Variants in SORT1 observed in about 807,000 individuals in gnomAD.
The protein encoded by SORT1 is sortilin 1, also known as sortilin.
In SORT1, 39 loss-of-function variants were observed where a neutral mutation model predicts 101.7. The observed-to-expected ratio is 0.38, with a 90% CI of 0.30 to 0.50. The LOEUF is 0.50. SORT1 is among the 20% of genes least tolerant of loss of function. The pLI, the probability that SORT1 is intolerant of heterozygous loss-of-function variation, is 0.90. For missense variants in SORT1, 878 were observed against 1,040.4 expected, an observed-to-expected ratio of 0.84 and a Z score of 2.15; for synonymous variants, 396 against 393.7, an observed-to-expected ratio of 1.01 and a Z score of -0.07.
At chr1:109,330,094 C>T (rs187512185) in intron 11 of SORT1, among the ~76,000 whole-genome samples, 19 of 152,236 alleles carry the variant, frequency 1.2e-4, no homozygotes, top group East Asian at 5.8e-4. Flanking sequence ...CTCCGCCTCC[C>T]GGGTTCAAAC....
chr1:109,357,382 A>G (rs1650396502), intron 3 of SORT1, among the ~76,000 whole-genome samples: 1 of 152,272 alleles, frequency 6.6e-6, no homozygotes, highest in Non-Finnish European at 1.5e-5. Context: ...CAACAAATAA[A>G]GAATTGCAGA....
At chr1:109,366,813 G>A (rs956133697) in intron 3 of SORT1, 1 of 152,362 alleles carries the variant, frequency 6.6e-6, no homozygotes, top group Non-Finnish European at 1.5e-5. Context: ...GCTGAGGTGG[G>A]AAGATGGTGG....
At chr1:109,367,557 C>T (rs1651178050) in intron 2 of SORT1, 76 bp from the exon 3 acceptor site, 1 of 924,668 alleles carries the variant, frequency 1.1e-6, no homozygotes, top group Non-Finnish European at 1.7e-6. Context: ...GAGATTAAGC[C>T]AACACCTAAA....
At chr1:109,316,815 A>C in intron 17 of SORT1, 35 bp downstream of exon 17, 3 of 1,321,788 alleles carry the variant, frequency 2.3e-6, no homozygotes. Flanking sequence ...ACAAAATCCC[A>C]TTTGTACCTG....
intron 3 of SORT1, among the ~76,000 whole-genome samples, chr1:109,356,990 T>A: frequency 6.6e-6 from 1 of 152,240 alleles, no homozygotes; most frequent in East Asian, 1.9e-4. Context: ...TCTTCAATGA[T>A]AGAATATAGT....
At chr1:109,352,960 A>C (rs1650060464) in intron 5 of SORT1, among the ~76,000 whole-genome samples, 1 of 152,106 alleles carries the variant, frequency 6.6e-6, no homozygotes, top group Admixed American at 6.6e-5. Context: ...GCCAATTTCC[A>C]GGAATTGTTG....
intron 1 of SORT1, among the ~76,000 whole-genome samples, chr1:109,391,076 C>T (rs1372592680): frequency 6.6e-6 from 1 of 152,090 alleles, no homozygotes; most frequent in African/African-American, 2.4e-5. Context: ...GAATTTACTG[C>T]TATCTGTTGG....
chr1:109,323,997 C>G (rs532544060), intron 14 of SORT1, among the ~76,000 whole-genome samples: 15 of 152,192 alleles, frequency 9.9e-5, no homozygotes, highest in African/African-American at 2.9e-4. Context: ...TAAATCAACA[C>G]GCTGAGGAAA....
intron 1 of SORT1, among the ~76,000 whole-genome samples, chr1:109,377,170 T>G (rs961446323): frequency 6.6e-6 from 1 of 152,208 alleles, no homozygotes; most frequent in African/African-American, 2.4e-5. Context: ...GTAAACTATA[T>G]GTACATGTAA....
chr1:109,326,054 CTTTT>C (rs541173445), intron 13 of SORT1, among the ~76,000 whole-genome samples: 19 of 134,646 alleles, frequency 1.4e-4, no homozygotes, highest in African/African-American at 4.3e-4. Flanking sequence ...ACTTATACTT[CTTTT>C]TTTTTTTTTT....
At chr1:109,339,294 T>C (rs1235983925) in intron 10 of SORT1, among the ~76,000 whole-genome samples, 1 of 152,210 alleles carries the variant, frequency 6.6e-6, no homozygotes, top group Non-Finnish European at 1.5e-5. Flanking sequence ...ACTGTATGGT[T>C]TTGAGTGCAA....
chr1:109,343,761 G>A (rs1649393959), intron 8 of SORT1, among the ~76,000 whole-genome samples: 1 of 152,130 alleles, frequency 6.6e-6, no homozygotes, highest in African/African-American at 2.4e-5. Context: ...TGATTCTTGT[G>A]CATCAGCCTC....
chr1:109,340,143 T>A (rs1414917141), intron 10 of SORT1, among the ~76,000 whole-genome samples: 1 of 49,808 alleles, frequency 2.0e-5, no homozygotes, highest in Non-Finnish European at 3.9e-5. Flanking sequence ...AGCGATTCCA[T>A]CTCAAAAAAA....
intron 1 of SORT1, among the ~76,000 whole-genome samples, chr1:109,391,611 G>C (rs1357169822): frequency 3.3e-5 from 5 of 152,214 alleles, no homozygotes; most frequent in African/African-American, 9.6e-5. Context: ...TGGGGATAGA[G>C]AAGGAAAAAC....
chr1:109,361,341 C>G (rs1650708657), intron 3 of SORT1, among the ~76,000 whole-genome samples: 1 of 152,216 alleles, frequency 6.6e-6, no homozygotes, highest in African/African-American at 2.4e-5. Flanking sequence ...ATTGCTTTTT[C>G]TCTACTGTCC....
At position 109,316,954 on chromosome 1, in the gene SORT1, G is replaced by A. The variant is rs1467329540; in HGVS notation, c.2146C>T (p.Arg716Trp). 5 of 1,596,206 alleles carry A rather than the reference G, an allele frequency of 3.1e-6. No individual in the cohort carries two copies. The highest frequency in any genetic ancestry group is 4.3e-6 in the Non-Finnish European group (5 of 1,167,060). Reference protein sequence around the residue: ...REEHLTTNGYRKIPGDKCQGG... With the variant: ...REEHLTTNGYWKIPGDKCQGG... ...TGGCATTTGTCCCCTGGAATTTTCCGGTACCTACCAGGCAAAGAAGATTTG... is the reference window on the plus strand; with the variant it reads ...TGGCATTTGTCCCCTGGAATTTTCCAGTACCTACCAGGCAAAGAAGATTTG... The change falls in exon 17 of 20, where the codon CGG (arginine) becomes TGG (tryptophan). Residue 716 changes from arginine (R) to tryptophan (W), a missense_variant. Transcript: ENST00000256637.
intron 3 of SORT1, among the ~76,000 whole-genome samples, chr1:109,358,251 G>A (rs1251695100): frequency 6.6e-6 from 1 of 151,964 alleles, no homozygotes; most frequent in Non-Finnish European, 1.5e-5. Flanking sequence ...TGGGCCCAGG[G>A]GTATATTTTT....
At chr1:109,353,975 A>G (rs563523442) in intron 5 of SORT1, among the ~76,000 whole-genome samples, 77 of 152,204 alleles carry the variant, frequency 5.1e-4, no homozygotes, top group Non-Finnish European at 7.8e-4. Flanking sequence ...AACTGAGGAC[A>G]TAACAAAAAA....
chr1:109,321,831 T>C (rs867441603), intron 15 of SORT1, among the ~76,000 whole-genome samples: 2 of 152,182 alleles, frequency 1.3e-5, no homozygotes, highest in Admixed American at 6.5e-5. Flanking sequence ...TGCCCAAAAA[T>C]TACCTCATTT....
Sources: allele counts gnomAD v4.1 joint callset (sites outside exome capture counted in the v4.1 genomes callset), GRCh38; gene constraint gnomAD v4.1.1; transcripts MANE v1.5; gene names NCBI Gene and HGNC (gene_info 2026-07-23, HGNC 2026-07-21).